TENM2: variants seen among roughly 807,000 people sequenced by gnomAD.
The protein encoded by TENM2 is teneurin transmembrane protein 2.
TENM2 carries 52 observed loss-of-function variants against 245.2 expected under a neutral mutation model. The observed-to-expected ratio is 0.21, with a 90% CI of 0.17 to 0.27. The LOEUF is 0.27. Among genes scored for constraint, TENM2 ranks in the 10% least tolerant of loss-of-function variants. TENM2 has a pLI of 1.00. For missense variants in TENM2, 3,046 were observed against 3,666.8 expected (o/e 0.83, Z 4.37); for synonymous variants, 1,363 against 1,438.9 (o/e 0.95, Z 1.19).
intron 2 of TENM2, among the ~76,000 whole-genome samples, chr5:167,655,779 G>A (rs544166251): frequency 6.0e-4 from 91 of 152,184 alleles, no homozygotes; most frequent in Non-Finnish European, 1.2e-3. Flanking sequence ...TGATCTTACT[G>A]TGAGTTTTGT....
intron 2 of TENM2, among the ~76,000 whole-genome samples, chr5:167,851,080 A>G (rs1046925429): frequency 5.9e-5 from 9 of 152,122 alleles, no homozygotes; most frequent in Non-Finnish European, 1.2e-4. Flanking sequence ...AAACCTACTT[A>G]TGAAGAAATG....
the TENM2 span, among the ~76,000 whole-genome samples, chr5:167,095,800 C>T: frequency 2.4e-3 from 335 of 137,728 alleles, 2 homozygotes; most frequent in African/African-American, 8.3e-3. Flanking sequence ...ACAAAAGTTT[C>T]GCTCTTGTTG....
At chr5:168,093,184 A>G (rs964205155) in intron 8 of TENM2, among the ~76,000 whole-genome samples, 1 of 152,310 alleles carries the variant, frequency 6.6e-6, no homozygotes, top group South Asian at 2.1e-4. Flanking sequence ...ATTATTTCCC[A>G]ACAACTTCTG....
the TENM2 span, among the ~76,000 whole-genome samples, chr5:167,198,757 A>C: frequency 7.9e-5 from 12 of 152,160 alleles, no homozygotes; most frequent in South Asian, 6.2e-4. Flanking sequence ...TGGCACACAC[A>C]GTTGAATTGC....
chr5:167,105,310 T>C, the TENM2 span, among the ~76,000 whole-genome samples: 1 of 152,230 alleles, frequency 6.6e-6, no homozygotes, highest in Non-Finnish European at 1.5e-5. Context: ...GCTTTTATTG[T>C]GTGATATTAT....
chr5:167,910,491 T>C (rs1460003461), intron 3 of TENM2, among the ~76,000 whole-genome samples: 1 of 152,156 alleles, frequency 6.6e-6, no homozygotes, highest in African/African-American at 2.4e-5. Context: ...AGGTTTGGTT[T>C]GGGAGGAAAA....
At chr5:167,980,768 C>T (rs1024292028) in intron 4 of TENM2, among the ~76,000 whole-genome samples, 5 of 151,952 alleles carry the variant, frequency 3.3e-5, no homozygotes, top group Admixed American at 6.6e-5. Context: ...GCAGGCCAGG[C>T]GCAAGATGAT....
chr5:167,930,675 G>A (rs911595107), intron 3 of TENM2, among the ~76,000 whole-genome samples: 1 of 152,000 alleles, frequency 6.6e-6, no homozygotes, highest in African/African-American at 2.4e-5. Context: ...TAGAGACAAA[G>A]TCTCACTACA....
At chr5:167,828,008 T>G (rs2151076994) in intron 2 of TENM2, among the ~76,000 whole-genome samples, 1 of 152,274 alleles carries the variant, frequency 6.6e-6, no homozygotes, top group South Asian at 2.1e-4. Context: ...TTATCCAACC[T>G]CAGGGCCTCA....
chr5:167,682,428 G>T (rs965466303), intron 2 of TENM2, among the ~76,000 whole-genome samples: 1 of 152,026 alleles, frequency 6.6e-6, no homozygotes, highest in South Asian at 2.1e-4. Context: ...CTCCCAAACT[G>T]TTGGGATTAC....
chr5:167,529,666 A>C (rs931504736), intron 2 of TENM2, among the ~76,000 whole-genome samples: 3 of 152,236 alleles, frequency 2.0e-5, no homozygotes, highest in Non-Finnish European at 4.4e-5. Flanking sequence ...GGTTCTGTTG[A>C]TTGGTACAGA....
At chr5:167,731,753 C>A (rs943490972) in intron 2 of TENM2, among the ~76,000 whole-genome samples, 1 of 135,124 alleles carries the variant, frequency 7.4e-6, no homozygotes, top group African/African-American at 2.8e-5. Context: ...CCAAATGGTT[C>A]CAGACTACTG....
the TENM2 span, among the ~76,000 whole-genome samples, chr5:167,136,059 A>G: frequency 1.3e-5 from 2 of 152,190 alleles, no homozygotes; most frequent in African/African-American, 4.8e-5. Flanking sequence ...TAAGCCTCAC[A>G]TTTGAGAGAG....
At chr5:167,002,744 T>C in the TENM2 span, among the ~76,000 whole-genome samples, 1 of 152,000 alleles carries the variant, frequency 6.6e-6, no homozygotes, top group Non-Finnish European at 1.5e-5. Flanking sequence ...CTCTACTCCA[T>C]CCTAGGTGAC....
intron 2 of TENM2, among the ~76,000 whole-genome samples, chr5:167,385,583 G>T (rs1476032729): frequency 6.6e-6 from 1 of 150,392 alleles, no homozygotes; most frequent in Admixed American, 6.7e-5. Flanking sequence ...AGTGGTGATT[G>T]TGAGATTTTG....
intron 4 of TENM2, among the ~76,000 whole-genome samples, chr5:167,967,829 A>G (rs1037150483): frequency 4.6e-5 from 7 of 152,166 alleles, no homozygotes; most frequent in Admixed American, 2.0e-4. Context: ...CATTCAACTA[A>G]TATCAACTGT....
intron 2 of TENM2, among the ~76,000 whole-genome samples, chr5:167,751,796 A>G (rs777728767): frequency 6.6e-6 from 1 of 152,104 alleles, no homozygotes; most frequent in Non-Finnish European, 1.5e-5. Context: ...TCAGGCAAGA[A>G]GAAAGCAGGT....
intron 6 of TENM2, 60 bp downstream of exon 8, chr5:168,047,609 A>C: frequency 1.3e-6 from 2 of 1,526,540 alleles, no homozygotes; most frequent in Non-Finnish European, 1.8e-6. Flanking sequence ...AGCTCTCGCC[A>C]GCTGGTTCAG....
chr5:167,738,041 G>A (rs1251111073), intron 2 of TENM2, among the ~76,000 whole-genome samples: 3 of 152,162 alleles, frequency 2.0e-5, no homozygotes, highest in Non-Finnish European at 4.4e-5. Context: ...GCTCCAATTT[G>A]CCTCCTTTTT....
Sources: gnomAD v4.1 joint callset for allele counts (sites outside exome capture counted in the v4.1 genomes callset) on GRCh38, gnomAD v4.1.1 for gene constraint, MANE v1.5 for transcripts, NCBI Gene and HGNC (gene_info 2026-07-23, HGNC 2026-07-21) for gene names.